CDKL4: variants seen among roughly 807,000 people sequenced by gnomAD.
The protein encoded by CDKL4 is cyclin-dependent kinase-like 4.
Under a neutral mutation model 42.0 loss-of-function variants are expected in CDKL4, and 44 were observed. That is an observed-to-expected ratio of 1.05 (90% CI 0.82 to 1.35). The LOEUF is 1.35. Ranked by LOEUF, CDKL4 falls within the 40% of genes most tolerant of loss-of-function variation. The probability of loss-of-function intolerance (pLI) is 0.00; values close to 1 mark genes in which losing one functional copy is unlikely to be tolerated. For synonymous variants in CDKL4, 120 were observed against 121.6 expected (o/e 0.99, Z 0.09); for missense variants, 393 against 369.9 (o/e 1.06, Z -0.51).
the CDKL4 span, among the ~76,000 whole-genome samples, chr2:39,170,343 AAC>A: frequency 1.3e-5 from 2 of 151,956 alleles, no homozygotes; most frequent in Non-Finnish European, 2.9e-5. Context: ...AAAACAAACA[AAC>A]ACATATGCAG....
intron 8 of CDKL4, among the ~76,000 whole-genome samples, chr2:39,183,803 G>C (rs1410207161): frequency 1.3e-5 from 2 of 152,122 alleles, no homozygotes; most frequent in East Asian, 3.9e-4. Context: ...GAGTCTGAGA[G>C]CACAGGGGTA....
intron 7 of CDKL4, 102 bp downstream of exon 7, chr2:39,187,525 A>T: frequency 1.2e-6 from 1 of 808,490 alleles, no homozygotes; most frequent in South Asian, 1.8e-5. Flanking sequence ...AGCCTTGGTG[A>T]CAGAGTGAGA....
chr2:39,178,710 C>T, intron 9 of CDKL4: 1 of 1,609,216 alleles, frequency 6.2e-7, no homozygotes, highest in Non-Finnish European at 8.5e-7. Flanking sequence ...TTGTACCTGG[C>T]AGATCTTGGT....
At chr2:39,183,594 C>T (rs1442443943) in intron 8 of CDKL4, among the ~76,000 whole-genome samples, 7 of 152,112 alleles carry the variant, frequency 4.6e-5, no homozygotes, top group Non-Finnish European at 8.8e-5. Flanking sequence ...TCTGAGAATT[C>T]GTTGGGCTTG....
chr2:39,200,247 A>C (rs1252345581), intron 5 of CDKL4, among the ~76,000 whole-genome samples: 2 of 152,112 alleles, frequency 1.3e-5, no homozygotes, highest in Non-Finnish European at 2.9e-5. Context: ...CAATAGCTGC[A>C]AAAAAATAAA....
chr2:39,177,432 C>G (rs1675211351), intron 9 of CDKL4, among the ~76,000 whole-genome samples: 1 of 142,786 alleles, frequency 7.0e-6, no homozygotes, highest in South Asian at 2.2e-4. Context: ...GAGATGGAGT[C>G]TTGCTCTTGT....
chr2:39,194,484 C>T (rs1351294863), intron 5 of CDKL4, among the ~76,000 whole-genome samples: 1 of 152,092 alleles, frequency 6.6e-6, no homozygotes, highest in Non-Finnish European at 1.5e-5. Flanking sequence ...AAAACAAACA[C>T]ACACACAAAC....
At chr2:39,190,654 A>G (rs187073374) in intron 5 of CDKL4, 152 bp from the exon 6 acceptor site, 288 of 648,642 alleles carry the variant, frequency 4.4e-4, no homozygotes, top group Non-Finnish European at 6.9e-4. Context: ...GGAAACAGTT[A>G]CTGTGCATTG....
chr2:39,241,169 C>T (rs1346380837), intron 1 of CDKL4, among the ~76,000 whole-genome samples: 1 of 152,180 alleles, frequency 6.6e-6, no homozygotes, highest in African/African-American at 2.4e-5. Flanking sequence ...AGAAAATGTC[C>T]TAGTTCTTGG....
At chr2:39,202,173 G>A (rs1046721072) in intron 5 of CDKL4, among the ~76,000 whole-genome samples, 4 of 151,954 alleles carry the variant, frequency 2.6e-5, no homozygotes, top group African/African-American at 7.3e-5. Flanking sequence ...TGGAGTTTGC[G>A]GTGAGCCGAG....
intron 5 of CDKL4, among the ~76,000 whole-genome samples, chr2:39,199,680 T>G (rs1306396327): frequency 2.0e-5 from 3 of 152,188 alleles, no homozygotes; most frequent in South Asian, 4.2e-4. Flanking sequence ...AGGGATGGTT[T>G]AACATCTGCA....
intron 9 of CDKL4, 155 bp downstream of exon 9, chr2:39,179,032 A>G (rs1572935871): frequency 1.4e-6 from 2 of 1,480,126 alleles, no homozygotes; most frequent in East Asian, 4.6e-5. Context: ...TGGTTTTATT[A>G]CATCAATTAC....
exon 10 of CDKL4, chr2:39,175,805 A>C: frequency 3.5e-6 from 1 of 288,230 alleles, no homozygotes; most frequent in Non-Finnish European, 6.6e-6. Context: ...CATTTAAAGA[A>C]AATATTCTAA....
intron 1 of CDKL4, among the ~76,000 whole-genome samples, chr2:39,240,604 T>C (rs1400996838): frequency 6.8e-6 from 1 of 146,584 alleles, no homozygotes; most frequent in African/African-American, 2.5e-5. Flanking sequence ...GTAAACAAAA[T>C]GTGGATTATC....
chr2:39,242,584 T>C (rs760840735), intron 1 of CDKL4, among the ~76,000 whole-genome samples: 15 of 152,126 alleles, frequency 9.9e-5, no homozygotes, highest in Non-Finnish European at 1.8e-4. Flanking sequence ...TCTCAAGGGT[T>C]TGCAAAATGA....
chr2:39,217,716 A>G (rs983558612), intron 3 of CDKL4, among the ~76,000 whole-genome samples: 3 of 107,578 alleles, frequency 2.8e-5, no homozygotes, highest in Non-Finnish European at 5.1e-5. Context: ...TTATTTATTT[A>G]TTTATTTATT....
At position 39,204,654 on chromosome 2, in the gene CDKL4, C is replaced by G. The variant is rs1390199376; in HGVS notation, c.364-37G>C. On this transcript the variant is annotated intron_variant, in intron 4 of 9. Coordinates refer to ENST00000451199, the Ensembl canonical transcript of CDKL4. ...TTATTTGATTATTTTTCTGAACCAT[C>G]AAAATGACAAAGAATAAACATTAAC... 3.5e-6 allele frequency: 4 copies of G among 1,149,078 alleles called. No homozygotes were observed. In the East Asian group the frequency reaches 9.6e-5, roughly 28 times the overall value. The allele number at this position is 1,149,078 out of a possible 1,614,324, so 71.2% of individuals were successfully genotyped here.
chr2:39,213,186 T>G (rs567997776), intron 4 of CDKL4, among the ~76,000 whole-genome samples: 1 of 152,154 alleles, frequency 6.6e-6, no homozygotes, highest in Non-Finnish European at 1.5e-5. Flanking sequence ...GGTCTTGCTA[T>G]GTTGCCCAGG....
rs984491697 is a variant in CDKL4, at chr2:39,187,480, G to C, written c.735+147C>G. ...GGATCACTTGAGTCTCGGAGGTTGAGGCTGCAGTGAGCCATGACCTTGCCA... is the reference window on the plus strand; with the variant it reads ...GGATCACTTGAGTCTCGGAGGTTGACGCTGCAGTGAGCCATGACCTTGCCA... On this transcript the variant is annotated intron_variant, in intron 7 of 9. Coordinates refer to ENST00000451199, the Ensembl canonical transcript of CDKL4. 8.8e-6 allele frequency: 5 copies of C among 566,544 alleles called. No individual in the cohort carries two copies. The African/African-American group carries it at 9.8e-5, about 11-fold the overall frequency. 35.1% of individuals were successfully genotyped at this position (566,544 alleles called of 1,614,324 possible). A position where few individuals can be genotyped will look rare whatever the true frequency, so the allele number is the denominator to read the frequency against.
Sources: gnomAD v4.1 joint callset for allele counts (sites outside exome capture counted in the v4.1 genomes callset) on GRCh38, gnomAD v4.1.1 for gene constraint, MANE v1.5 for transcripts, NCBI Gene and HGNC (gene_info 2026-07-23, HGNC 2026-07-21) for gene names.